The following RHOBTB3 variants were observed in gnomAD, a reference collection of about 807,000 sequenced individuals.
RHOBTB3 encodes Rho related BTB domain containing 3.
A neutral mutation model predicts 67.2 loss-of-function variants in RHOBTB3; 47 were observed. The ratio of observed to expected loss-of-function variants is 0.70; its 90% CI spans 0.55 to 0.89. RHOBTB3 has a LOEUF of 0.89. RHOBTB3 is among the 40% of genes least tolerant of loss of function. RHOBTB3 has a pLI of 0.00. For synonymous variants in RHOBTB3, 273 were observed against 274.2 expected (o/e 1.00, Z 0.04); for missense variants, 631 against 750.0 (o/e 0.84, Z 1.85).
In RHOBTB3 at chr5:95,723,695, C is replaced by G. The variant is rs144517180; in HGVS notation, n.133+5930C>G. On this transcript the variant is annotated intron_variant and non_coding_transcript_variant, in intron 1 of 5. Coordinates refer to the RHOBTB3 transcript ENST00000504949. ...CTAGGCAAGTGAGTCTGCAGCTTAT[C>G]TGTGTTGCTTTTCCCTATCTCTCCT... Among the ~76,000 whole-genome samples the G allele has an allele frequency of 2.1e-3, 323 of 152,292 alleles. 2 individuals are homozygous for G. Among genetic ancestry groups the G allele is most frequent in the Middle Eastern group, 0.014 (4 of 294 alleles).
At chr5:95,760,801 T>G (rs572415423) in intron 6 of RHOBTB3, among the ~76,000 whole-genome samples, 91 of 152,310 alleles carry the variant, frequency 6.0e-4, no homozygotes, top group African/African-American at 2.1e-3. Context: ...TGATATCGCA[T>G]TATATACTTA....
intron 8 of RHOBTB3, among the ~76,000 whole-genome samples, chr5:95,779,168 A>G (rs1745977812): frequency 6.6e-6 from 1 of 152,152 alleles, no homozygotes; most frequent in Non-Finnish European, 1.5e-5. Flanking sequence ...GATTTTAGAG[A>G]TGTGTGGGTA....
chr5:95,735,935 C>G (rs1206917603), intron 2 of RHOBTB3, among the ~76,000 whole-genome samples: 1 of 152,162 alleles, frequency 6.6e-6, no homozygotes, highest in Non-Finnish European at 1.5e-5. Context: ...AACCCCATCT[C>G]TGCTAAAGTA....
At chr5:95,741,007 A>T (rs1755579028) in intron 3 of RHOBTB3, among the ~76,000 whole-genome samples, 1 of 152,216 alleles carries the variant, frequency 6.6e-6, no homozygotes, top group Non-Finnish European at 1.5e-5. Context: ...AAGAAATCTA[A>T]CATACTATTA....
intron 2 of RHOBTB3, among the ~76,000 whole-genome samples, chr5:95,734,226 G>T (rs1755392540): frequency 6.6e-6 from 1 of 152,132 alleles, no homozygotes; most frequent in African/African-American, 2.4e-5. Context: ...GGGCAGCGAT[G>T]TTCATACTTC....
intron 8 of RHOBTB3, among the ~76,000 whole-genome samples, chr5:95,779,607 G>A (rs1000281154): frequency 6.6e-6 from 1 of 152,182 alleles, no homozygotes; most frequent in Non-Finnish European, 1.5e-5. Context: ...CGTAGCACTG[G>A]CTCTCCCAGC....
chr5:95,777,427 T>C (rs544556192), intron 8 of RHOBTB3, among the ~76,000 whole-genome samples: 24 of 152,352 alleles, frequency 1.6e-4, no homozygotes, highest in African/African-American at 5.5e-4. Context: ...TTCACTCTTG[T>C]AGTTCTTTTC....
At chr5:95,755,883 G>A in intron 6 of RHOBTB3, 122 bp downstream of exon 6, 1 of 886,864 alleles carries the variant, frequency 1.1e-6, no homozygotes. Flanking sequence ...CTGAGATTAA[G>A]ATTATACATG....
At chr5:95,760,119 T>C (rs1414970130) in intron 6 of RHOBTB3, among the ~76,000 whole-genome samples, 2 of 152,256 alleles carry the variant, frequency 1.3e-5, no homozygotes, top group African/African-American at 4.8e-5. Flanking sequence ...ATTTTACACC[T>C]ATCTATTCCT....
intron 5 of RHOBTB3, among the ~76,000 whole-genome samples, chr5:95,754,249 C>T (rs746236989): frequency 5.9e-5 from 9 of 152,170 alleles, no homozygotes; most frequent in Non-Finnish European, 1.3e-4. Flanking sequence ...GTTAAGAGAG[C>T]TGTGTGTATA....
At chr5:95,736,458 T>A (rs1755456871) in intron 2 of RHOBTB3, among the ~76,000 whole-genome samples, 1 of 152,234 alleles carries the variant, frequency 6.6e-6, no homozygotes, top group African/African-American at 2.4e-5. Flanking sequence ...GTATTGCAGT[T>A]CAGAACACTG....
At chr5:95,752,387 C>T in intron 5 of RHOBTB3, 37 bp downstream of exon 5, 1 of 1,274,348 alleles carries the variant, frequency 7.8e-7, no homozygotes, top group Non-Finnish European at 1.1e-6. Flanking sequence ...ATTCATTAAA[C>T]ATTCATTACA....
At chr5:95,789,185 C>G (rs1237732685) in intron 11 of RHOBTB3, 1 of 237,664 alleles carries the variant, frequency 4.2e-6, no homozygotes, top group Admixed American at 6.2e-5. Flanking sequence ...TATCTTAGTT[C>G]TAACTACCTA....
chr5:95,780,479 C>T (rs1746016974), intron 9 of RHOBTB3, 54 bp downstream of exon 9: 1 of 1,512,142 alleles, frequency 6.6e-7, no homozygotes, highest in Non-Finnish European at 9.2e-7. Flanking sequence ...CCTTGCCACC[C>T]ATTTTGTTAA....
rs1484449545 is a variant in RHOBTB3 at position 95,744,818 on chromosome 5, C to T, written c.416-3515C>T. On this transcript the variant is annotated intron_variant, in intron 3 of 11. Coordinates refer to ENST00000379982, the MANE Select transcript of RHOBTB3 (RefSeq NM_014899.4). ...GGCCACGGTGACTCACGCCTGTAAT[C>T]CCAGCACTTTGGGTGACTGAGGTGG... Among the ~76,000 whole-genome samples the T allele has an allele frequency of 2.0e-5, 3 of 152,098 alleles. No homozygotes were observed. The South Asian group carries it at 6.3e-4, about 32-fold the overall frequency.
chr5:95,763,834 CAG>C (rs1160445673), intron 7 of RHOBTB3, among the ~76,000 whole-genome samples: 1 of 109,116 alleles, frequency 9.2e-6, no homozygotes, highest in African/African-American at 3.5e-5. Flanking sequence ...GTGTGTGAGA[CAG>C]AGACCTGTGT....
intron 10 of RHOBTB3, among the ~76,000 whole-genome samples, chr5:95,785,931 G>T (rs1282261841): frequency 3.3e-5 from 5 of 152,060 alleles, no homozygotes; most frequent in Non-Finnish European, 5.9e-5. Context: ...AATCATTTTT[G>T]ATTGCACTGT....
At chr5:95,749,577 A>G (rs1050239615) in intron 4 of RHOBTB3, among the ~76,000 whole-genome samples, 1 of 152,250 alleles carries the variant, frequency 6.6e-6, no homozygotes, top group Non-Finnish European at 1.5e-5. Context: ...AGCAGTGAGT[A>G]GAAAGGTGGA....
Position 95,793,253 on chromosome 5 carries a change from T to C in RHOBTB3, c.*79T>C. On this transcript the variant is annotated 3_prime_UTR_variant, in exon 12 of 12. Transcript: ENST00000379982. ...CCTCCAGGTTCCAGTAAAATTCTTC[T>C]GACCGAAACCAATGTGGGTGTTAGA... 1 of 913,684 alleles carries C rather than the reference T, an allele frequency of 1.1e-6. No individual in the cohort carries two copies. The highest frequency in any genetic ancestry group is 1.7e-5 in the South Asian group (1 of 60,094). The allele number at this position is 913,684 out of a possible 1,614,324, so 56.6% of individuals were successfully genotyped here. A position where few individuals can be genotyped will look rare whatever the true frequency, so the allele number is the denominator to read the frequency against.
Sources: gnomAD v4.1 joint callset for allele counts (sites outside exome capture counted in the v4.1 genomes callset) on GRCh38, gnomAD v4.1.1 for gene constraint, MANE v1.5 for transcripts, NCBI Gene and HGNC (gene_info 2026-07-23, HGNC 2026-07-21) for gene names.